The following SLC17A8 variants were observed in gnomAD, a reference collection of about 807,000 sequenced individuals.
SLC17A8 encodes the protein solute carrier family 17 member 8.
In SLC17A8, 31 loss-of-function variants were observed where a neutral mutation model predicts 58.0. That is an observed-to-expected ratio of 0.53 (90% CI 0.40 to 0.72). SLC17A8 has a LOEUF of 0.72. Among genes scored for constraint, SLC17A8 ranks in the 30% least tolerant of loss-of-function variants. The pLI is 0.00. For synonymous variants in SLC17A8, 228 were observed against 249.0 expected, an observed-to-expected ratio of 0.92 and a Z score of 0.79; for missense variants, 655 against 727.8, an observed-to-expected ratio of 0.90 and a Z score of 1.15.
intron 11 of SLC17A8, 78 bp from the exon 12 acceptor site, chr12:100,419,737 C>G (rs1952933496): frequency 7.7e-6 from 11 of 1,427,628 alleles, no homozygotes; most frequent in Middle Eastern, 1.8e-4. Flanking sequence ...TGCTTTTTCA[C>G]AGTGGAGGCC....
intron 1 of SLC17A8, among the ~76,000 whole-genome samples, chr12:100,378,268 A>G (rs1952608625): frequency 6.6e-6 from 1 of 152,190 alleles, no homozygotes; most frequent in African/African-American, 2.4e-5. Context: ...TAAAATGGCC[A>G]AGAAAGAGAA....
rs1952792993 is a variant in SLC17A8, at chr12:100,401,809, C to T, written c.709C>T (p.Leu237=). The change falls in exon 6 of 12, where the codon CTG becomes TTG. Residue 237 remains leucine, a synonymous_variant. Transcript: ENST00000323346. Reference sequence around the variant, plus strand: ...TGCAGGGGCAGTGGTTGCCATGCCCCTGGCTGGGGTGTTGGTGCAGTACAT... The same window carrying T: ...TGCAGGGGCAGTGGTTGCCATGCCCTTGGCTGGGGTGTTGGTGCAGTACAT... ...SYAGAVVAMP[L]AGVLVQYIGW... The T allele has an allele frequency of 6.2e-7, 1 of 1,614,068 alleles. No individual in the cohort carries two copies. Among genetic ancestry groups the T allele is most frequent in the Non-Finnish European group, 8.5e-7 (1 of 1,179,964 alleles).
At chr12:100,371,938 G>A (rs1037241674) in intron 1 of SLC17A8, among the ~76,000 whole-genome samples, 51 of 152,262 alleles carry the variant, frequency 3.3e-4, no homozygotes, top group African/African-American at 1.2e-3. Flanking sequence ...TATTTGTCAA[G>A]ACTATTTTGA....
intron 1 of SLC17A8, among the ~76,000 whole-genome samples, chr12:100,368,117 C>A (rs1006275088): frequency 4.6e-5 from 7 of 152,172 alleles, no homozygotes; most frequent in African/African-American, 1.7e-4. Context: ...CAAAGTACCA[C>A]AAACTAGGTA....
intron 2 of SLC17A8, among the ~76,000 whole-genome samples, chr12:100,382,973 C>T (rs537373575): frequency 6.6e-6 from 1 of 152,262 alleles, no homozygotes; most frequent in South Asian, 2.1e-4. Context: ...GATGCCACAG[C>T]CAAATCTGTC....
intron 1 of SLC17A8, among the ~76,000 whole-genome samples, chr12:100,368,292 G>T (rs896237178): frequency 6.6e-6 from 1 of 152,196 alleles, no homozygotes; most frequent in African/African-American, 2.4e-5. Context: ...GCCTTGGCTT[G>T]TGGATGCATT....
At chr12:100,393,901 C>T (rs1249551500) in intron 4 of SLC17A8, among the ~76,000 whole-genome samples, 3 of 152,132 alleles carry the variant, frequency 2.0e-5, no homozygotes, top group Non-Finnish European at 4.4e-5. Context: ...GATATGGAGC[C>T]AGAAGGTAAA....
chr12:100,372,991 G>A (rs138518643), intron 1 of SLC17A8, among the ~76,000 whole-genome samples: 66 of 152,256 alleles, frequency 4.3e-4, no homozygotes, highest in African/African-American at 1.5e-3. Flanking sequence ...GGGAACATTT[G>A]AATTGCAAAG....
chr12:100,388,745 G>A (rs1328789253), intron 2 of SLC17A8, among the ~76,000 whole-genome samples: 1 of 152,140 alleles, frequency 6.6e-6, no homozygotes, highest in Non-Finnish European at 1.5e-5. Context: ...ATAAAACATA[G>A]TATGTTGATA....
rs1952797487 is a variant in SLC17A8 at position 100,402,363 on chromosome 12, A to G, written c.787A>G (p.Met263Val). Reference sequence around the variant, plus strand: ...AGGCATGTTTGGGATTATTTGGTACATGTTTTGGCTGTTGCAGGCCTATGA... The same window carrying G: ...AGGCATGTTTGGGATTATTTGGTACGTGTTTTGGCTGTTGCAGGCCTATGA... ...IYGMFGIIWY[M>V]FWLLQAYECP... The change falls in exon 7 of 12, where the codon ATG (methionine) becomes GTG (valine). Residue 263 changes from methionine to valine, a missense_variant. Transcript: ENST00000323346. The G allele has an allele frequency of 3.7e-6, 6 of 1,614,028 alleles. No individual in the cohort carries two copies. Among genetic ancestry groups the G allele is most frequent in the East Asian group, 2.2e-5 (1 of 44,888 alleles).
chr12:100,421,065 T>C lies in SLC17A8; in HGVS notation c.*906T>C, dbSNP rs1375608063. 1.3e-5 allele frequency: 2 copies of C among 152,178 alleles called. No homozygotes were observed. The highest frequency in any genetic ancestry group is 1.3e-4 in the Admixed American group (2 of 15,266). The allele number at this position is 152,178 out of a possible 1,614,324, so 9.4% of individuals were successfully genotyped here. On this transcript the variant is annotated 3_prime_UTR_variant, in exon 12 of 12. Transcript: ENST00000323346. ...GAGAGCCAAATTTTTAGAAATCTGA[T>C]GGTCAAAATAGCTGAAAGCAGTAAA...
chr12:100,370,440 GGC>G (rs1258892003), intron 1 of SLC17A8, among the ~76,000 whole-genome samples: 1 of 151,732 alleles, frequency 6.6e-6, no homozygotes, highest in East Asian at 1.9e-4. Context: ...TGGGATTACA[GGC>G]ATGCACCACC....
intron 1 of SLC17A8, among the ~76,000 whole-genome samples, chr12:100,365,849 T>A (rs1452144368): frequency 6.6e-6 from 1 of 152,196 alleles, no homozygotes; most frequent in Non-Finnish European, 1.5e-5. Context: ...TGTGATGTTC[T>A]GCAGCAGGTC....
intron 9 of SLC17A8, among the ~76,000 whole-genome samples, chr12:100,409,187 ATGTATGTATGTAT>A (rs1952848586): frequency 6.6e-6 from 1 of 151,654 alleles, no homozygotes; most frequent in African/African-American, 2.4e-5. Flanking sequence ...GTATGTATGT[ATGTATGTATGTAT>A]TTAGAGACAG....
intron 5 of SLC17A8, among the ~76,000 whole-genome samples, chr12:100,397,659 C>T (rs1952762548): frequency 6.6e-6 from 1 of 151,990 alleles, no homozygotes; most frequent in South Asian, 2.1e-4. Context: ...GTACCTTAGA[C>T]CAGCCAGGCA....
chr12:100,366,563 T>C (rs1010087579), intron 1 of SLC17A8, among the ~76,000 whole-genome samples: 1 of 152,120 alleles, frequency 6.6e-6, no homozygotes, highest in Non-Finnish European at 1.5e-5. Context: ...TTACCCAAAT[T>C]AATGGTGGTA....
At chr12:100,409,803 G>A (rs976404631) in intron 9 of SLC17A8, among the ~76,000 whole-genome samples, 1 of 152,196 alleles carries the variant, frequency 6.6e-6, no homozygotes, top group African/African-American at 2.4e-5. Flanking sequence ...AGATAGTATT[G>A]TGTGGTTAGA....
chr12:100,408,650 A>T (rs1364336327), intron 9 of SLC17A8, among the ~76,000 whole-genome samples: 1 of 151,722 alleles, frequency 6.6e-6, no homozygotes, highest in African/African-American at 2.4e-5. Context: ...TTTGGCCAAA[A>T]TTTTTTTTCT....
At chr12:100,377,625 G>C (rs1365172668) in intron 1 of SLC17A8, among the ~76,000 whole-genome samples, 2 of 118,006 alleles carry the variant, frequency 1.7e-5, no homozygotes, top group Non-Finnish European at 3.2e-5. Context: ...GAGTCTCACT[G>C]TCATGAAGAC....
Sources: allele counts gnomAD v4.1 joint callset (sites outside exome capture counted in the v4.1 genomes callset), GRCh38; gene constraint gnomAD v4.1.1; transcripts MANE v1.5; gene names NCBI Gene and HGNC (gene_info 2026-07-23, HGNC 2026-07-21).